The following PTPRT variants were observed in gnomAD, a reference collection of about 807,000 sequenced individuals.
PTPRT encodes protein tyrosine phosphatase receptor type T.
PTPRT carries 56 observed loss-of-function variants against 176.8 expected under a neutral mutation model. The observed-to-expected ratio is 0.32, with a 90% CI of 0.26 to 0.40. The LOEUF (loss-of-function observed/expected upper bound fraction) is 0.40, where lower values mean the gene tolerates loss of function less well. Among genes scored for constraint, PTPRT ranks in the 10% least tolerant of loss-of-function variants. The probability of loss-of-function intolerance (pLI) is 1.00; values close to 1 mark genes in which losing one functional copy is unlikely to be tolerated. For synonymous variants in PTPRT, 783 were observed against 739.0 expected (o/e 1.06, Z -0.96); for missense variants, 1,540 against 1,908.2 (o/e 0.81, Z 3.60).
At chr20:42,200,298 T>C (rs1296158438) in intron 15 of PTPRT, among the ~76,000 whole-genome samples, 3 of 152,220 alleles carry the variant, frequency 2.0e-5, no homozygotes. Context: ...CTGTATACTG[T>C]GGCAGATGAC....
In PTPRT at chr20:42,350,573, C is replaced by T; in HGVS notation, c.1865+55G>A. ...GCCAGTCACATGATTCAACTGGAGG[C>T]CCATGTGGCACAGAGAAGAAAAACT... is the stretch of plus-strand genomic sequence containing the variant. On this transcript the variant is annotated intron_variant, in intron 11 of 30. Coordinates refer to ENST00000373187, the MANE Select transcript of PTPRT (RefSeq NM_007050.6). 8 of 1,358,398 alleles carry T rather than the reference C, an allele frequency of 5.9e-6. No individual in the cohort carries two copies. The South Asian group carries it at 9.4e-5, about 16-fold the overall frequency. 84.1% of individuals were successfully genotyped at this position (1,358,398 alleles called of 1,614,324 possible).
At chr20:42,151,841 G>A (rs1989145624) in intron 17 of PTPRT, among the ~76,000 whole-genome samples, 1 of 152,194 alleles carries the variant, frequency 6.6e-6, no homozygotes, top group Non-Finnish European at 1.5e-5. Flanking sequence ...CAGGATGTAG[G>A]ACTTTCAGTT....
intron 7 of PTPRT, among the ~76,000 whole-genome samples, chr20:42,628,133 G>A (rs2074330394): frequency 6.6e-6 from 1 of 152,140 alleles, no homozygotes; most frequent in Admixed American, 6.5e-5. Context: ...GTGCAGTGGA[G>A]TCAGGAGATA....
chr20:42,237,399 G>C (rs775361459), intron 14 of PTPRT, among the ~76,000 whole-genome samples: 12 of 152,166 alleles, frequency 7.9e-5, no homozygotes, highest in Non-Finnish European at 1.5e-4. Context: ...CTGTCCCTTA[G>C]GTCCATTAAA....
Position 42,843,847 on chromosome 20 carries a change from A to C in PTPRT, c.214+41960T>G, listed in dbSNP as rs6030517. ...TCATCTCTTTACAGTGACCTTAAAA[A>C]GCACATCACCTTCCTTAGGAGTAAA... is the stretch of plus-strand genomic sequence containing the variant. On this transcript the variant is annotated intron_variant, in intron 2 of 30. Coordinates refer to ENST00000373187, the MANE Select transcript of PTPRT (RefSeq NM_007050.6). Among the ~76,000 whole-genome samples the C allele has an allele frequency of 5.1e-3, 782 of 152,368 alleles. 5 individuals carry two copies. The highest frequency in any genetic ancestry group is 0.018 in the African/African-American group (735 of 41,580).
intron 9 of PTPRT, among the ~76,000 whole-genome samples, chr20:42,364,092 G>A (rs901742151): frequency 1.3e-5 from 2 of 152,112 alleles, no homozygotes; most frequent in African/African-American, 2.4e-5. Flanking sequence ...GGGCGATCAG[G>A]GGACTTGATG....
At chr20:42,768,238 T>C (rs1423480678) in intron 5 of PTPRT, among the ~76,000 whole-genome samples, 1 of 152,104 alleles carries the variant, frequency 6.6e-6, no homozygotes, top group African/African-American at 2.4e-5. Flanking sequence ...ACCAGATACG[T>C]TTCAAGTGCC....
chr20:42,268,898 C>G (rs139226744), intron 13 of PTPRT, among the ~76,000 whole-genome samples: 1 of 152,120 alleles, frequency 6.6e-6, no homozygotes, highest in Non-Finnish European at 1.5e-5. Flanking sequence ...TGGGTGCTGG[C>G]GCAAATGGCT....
chr20:43,018,370 G>C (rs912620848), intron 1 of PTPRT, among the ~76,000 whole-genome samples: 1 of 152,128 alleles, frequency 6.6e-6, no homozygotes, highest in Non-Finnish European at 1.5e-5. Context: ...ATTACAAATG[G>C]ATTAAGTAAT....
At chr20:42,494,750 C>T (rs926473781) in intron 7 of PTPRT, among the ~76,000 whole-genome samples, 2 of 149,044 alleles carry the variant, frequency 1.3e-5, no homozygotes, top group African/African-American at 5.2e-5. Context: ...TACCTAGAAT[C>T]ATAGCTGGCA....
intron 2 of PTPRT, among the ~76,000 whole-genome samples, chr20:42,829,911 C>G (rs943473453): frequency 6.6e-6 from 1 of 152,082 alleles, no homozygotes; most frequent in African/African-American, 2.4e-5. Context: ...GAAGTTTATT[C>G]CCGAACAGAC....
At chr20:42,959,274 T>G (rs1981849633) in intron 1 of PTPRT, among the ~76,000 whole-genome samples, 1 of 152,174 alleles carries the variant, frequency 6.6e-6, no homozygotes, top group Admixed American at 6.5e-5. Context: ...ACCTGGTTCA[T>G]AGAAAGTGCC....
Position 43,118,923 on chromosome 20 carries a change from A to C in PTPRT, c.88+70723T>G, listed in dbSNP as rs140915192. ...CACCCTGAGCCTAAAATGGTTACAA[A>C]GAATGACCAGAAAATGCTAATTTTA... On this transcript the variant is annotated intron_variant, in intron 1 of 30. Coordinates refer to ENST00000373187, the MANE Select transcript of PTPRT (RefSeq NM_007050.6). 9.2e-5 allele frequency among the ~76,000 whole-genome samples: 14 copies of C among 152,358 alleles called. No individual in the cohort carries two copies. In the East Asian group the frequency reaches 2.7e-3, roughly 29 times the overall value.
Position 42,164,497 on chromosome 20 carries a change from A to AT in PTPRT, c.2492-2956dup, listed in dbSNP as rs1418550520. ...TGCTATGAAGACTCAGAACCAAGGG[A>AT]TTTTCAAGGTTTATTAATCCAACGG... On this transcript the variant is annotated intron_variant, in intron 16 of 30. Coordinates refer to ENST00000373187, the MANE Select transcript of PTPRT (RefSeq NM_007050.6). 2.6e-5 allele frequency among the ~76,000 whole-genome samples: 4 copies of AT among 152,154 alleles called. No individual in the cohort carries two copies. The East Asian group carries it at 7.7e-4, about 29-fold the overall frequency.
At chr20:42,970,684 A>G (rs764157161) in intron 1 of PTPRT, 6 of 152,198 alleles carry the variant, frequency 3.9e-5, no homozygotes, top group Non-Finnish European at 7.3e-5. Flanking sequence ...AGGATGGATA[A>G]ATAGATGCTT....
intron 13 of PTPRT, among the ~76,000 whole-genome samples, chr20:42,255,158 G>A (rs2056616644): frequency 6.6e-6 from 1 of 152,208 alleles, no homozygotes; most frequent in Admixed American, 6.5e-5. Context: ...ATGGTTTTAT[G>A]AGTCTAGTCA....
At chr20:42,280,302 T>C (rs2057117728) in intron 13 of PTPRT, among the ~76,000 whole-genome samples, 1 of 152,144 alleles carries the variant, frequency 6.6e-6, no homozygotes, top group Non-Finnish European at 1.5e-5. Context: ...CTTCCCTTTG[T>C]CCTATGCTCC....
At chr20:43,100,802 C>T (rs923618833) in intron 1 of PTPRT, among the ~76,000 whole-genome samples, 2 of 150,964 alleles carry the variant, frequency 1.3e-5, no homozygotes, top group Admixed American at 6.6e-5. Flanking sequence ...AGGGAAGGTG[C>T]CCAGGTGGGA....
intron 7 of PTPRT, among the ~76,000 whole-genome samples, chr20:42,500,440 G>C (rs2071732297): frequency 6.6e-6 from 1 of 151,962 alleles, no homozygotes; most frequent in Non-Finnish European, 1.5e-5. Context: ...CTTTGATATA[G>C]CATATTACTA....
Sources: allele counts gnomAD v4.1 joint callset (sites outside exome capture counted in the v4.1 genomes callset), GRCh38; gene constraint gnomAD v4.1.1; transcripts MANE v1.5; gene names NCBI Gene and HGNC (gene_info 2026-07-23, HGNC 2026-07-21).